The following ST8SIA5 variants were observed in gnomAD, a reference collection of about 807,000 sequenced individuals.
ST8SIA5 encodes ST8 alpha-N-acetyl-neuraminide alpha-2,8-sialyltransferase 5.
A neutral mutation model predicts 40.2 loss-of-function variants in ST8SIA5; 24 were observed. The observed-to-expected ratio is 0.60, with a 90% CI of 0.43 to 0.84. ST8SIA5 has a LOEUF of 0.84. ST8SIA5 is among the 40% of genes least tolerant of loss of function. The probability of loss-of-function intolerance (pLI) is 0.00; values close to 1 mark genes in which losing one functional copy is unlikely to be tolerated. For synonymous variants in ST8SIA5, 198 were observed against 201.8 expected (o/e 0.98, Z 0.16); for missense variants, 465 against 498.5 (o/e 0.93, Z 0.64).
chr18:46,728,680 G>A (rs1193867251), intron 1 of ST8SIA5, among the ~76,000 whole-genome samples: 1 of 152,172 alleles, frequency 6.6e-6, no homozygotes, highest in East Asian at 1.9e-4. Flanking sequence ...ACCCATCCTT[G>A]CAAACCACCT....
chr18:46,721,316 CG>C lies in ST8SIA5; in HGVS notation c.132-16653del, dbSNP rs1568268756. ...TGTGGCAGGGGCTGCAGGGCCACCC[CG>C]GGTTGAGCTTCCCCCACTCCCTGGC... is the stretch of plus-strand genomic sequence containing the variant. On this transcript the variant is annotated intron_variant, in intron 1 of 6. Coordinates refer to ENST00000315087, the MANE Select transcript of ST8SIA5 (RefSeq NM_013305.6). 2.6e-6 allele frequency: 4 copies of C among 1,517,078 alleles called. 1 individual carries two copies. In the South Asian group the frequency reaches 3.6e-5, roughly 14 times the overall value. 94.0% of individuals were successfully genotyped at this position (1,517,078 alleles called of 1,614,324 possible).
chr18:46,743,885 C>G (rs1014693789), intron 1 of ST8SIA5, among the ~76,000 whole-genome samples: 1 of 152,180 alleles, frequency 6.6e-6, no homozygotes, highest in Non-Finnish European at 1.5e-5. Flanking sequence ...ACCCTACAAG[C>G]CAGAAGAGAG....
intron 3 of ST8SIA5, among the ~76,000 whole-genome samples, chr18:46,689,502 G>T (rs1468039828): frequency 1.3e-5 from 2 of 151,968 alleles, no homozygotes; most frequent in South Asian, 2.1e-4. Flanking sequence ...CCTCATACAG[G>T]CTTGGCTCTT....
intron 1 of ST8SIA5, among the ~76,000 whole-genome samples, chr18:46,706,057 T>C (rs2039667364): frequency 1.3e-5 from 2 of 152,138 alleles, no homozygotes; most frequent in South Asian, 4.1e-4. Context: ...TATTGTCATT[T>C]TGTCATTAAA....
At chr18:46,746,104 A>T (rs1406122898) in intron 1 of ST8SIA5, among the ~76,000 whole-genome samples, 7 of 152,348 alleles carry the variant, frequency 4.6e-5, no homozygotes, top group Middle Eastern at 3.4e-3. Flanking sequence ...ACCCACAGCC[A>T]GTATCATACT....
intron 4 of ST8SIA5, among the ~76,000 whole-genome samples, chr18:46,688,422 A>G (rs560308501): frequency 6.6e-6 from 1 of 152,180 alleles, no homozygotes; most frequent in South Asian, 2.1e-4. Context: ...CAACTTCTGC[A>G]TGTGCGTTTG....
Position 46,671,342 on chromosome 18 carries a change from T to G in ST8SIA5, c.*8700A>C, listed in dbSNP as rs1000628412. ...TTCCAAAGTATGATAGAAAAGGAAATGCATAAAGAAGTGAGGCTCTAACCC... is the reference window on the plus strand; with the variant it reads ...TTCCAAAGTATGATAGAAAAGGAAAGGCATAAAGAAGTGAGGCTCTAACCC... On this transcript the variant is annotated 3_prime_UTR_variant, in exon 7 of 7. Transcript: ENST00000315087. 6.6e-6 allele frequency: 1 copy of G among 152,202 alleles called. No homozygotes were observed. Among genetic ancestry groups the G allele is most frequent in the Non-Finnish European group, 1.5e-5 (1 of 68,040 alleles). 9.4% of individuals were successfully genotyped at this position (152,202 alleles called of 1,614,324 possible).
intron 1 of ST8SIA5, among the ~76,000 whole-genome samples, chr18:46,714,292 T>C (rs141123290): frequency 4.6e-5 from 7 of 151,936 alleles, no homozygotes; most frequent in Admixed American, 3.3e-4. Flanking sequence ...ATCTAATGGG[T>C]GGGTGGATGC....
rs1358341166 is a variant in ST8SIA5, at chr18:46,668,538, G to C, written c.*11504C>G. 1 of 152,582 alleles carries C rather than the reference G, an allele frequency of 6.6e-6. No homozygotes were observed. Among genetic ancestry groups the C allele is most frequent in the Admixed American group, 6.5e-5 (1 of 15,290 alleles). The allele number at this position is 152,582 out of a possible 1,614,324, so 9.5% of individuals were successfully genotyped here. On this transcript the variant is annotated 3_prime_UTR_variant, in exon 7 of 7. Coordinates refer to ENST00000315087, the MANE Select transcript of ST8SIA5 (RefSeq NM_013305.6). ...TGGGGAGGGAAGTGGCGGGGGATTGGTTCCAAACTGTACCATTGAACAATC... is the reference window on the plus strand; with the variant it reads ...TGGGGAGGGAAGTGGCGGGGGATTGCTTCCAAACTGTACCATTGAACAATC...
chr18:46,691,974 C>A (rs1461049577), intron 3 of ST8SIA5, 195 bp downstream of exon 3: 27 of 607,434 alleles, frequency 4.4e-5, no homozygotes, highest in Admixed American at 2.8e-4. Context: ...GAGGATAGCA[C>A]CTGGGCAAGG....
At chr18:46,697,936 A>G (rs1191631255) in intron 2 of ST8SIA5, among the ~76,000 whole-genome samples, 2 of 152,222 alleles carry the variant, frequency 1.3e-5, no homozygotes, top group East Asian at 3.8e-4. Flanking sequence ...AACCATTCTC[A>G]TGCTTCTCAT....
intron 1 of ST8SIA5, among the ~76,000 whole-genome samples, chr18:46,743,098 A>T (rs766799444): frequency 1.3e-5 from 2 of 152,234 alleles, no homozygotes; most frequent in Non-Finnish European, 2.9e-5. Context: ...AACCACAAAG[A>T]TGGGGAGAAG....
intron 1 of ST8SIA5, among the ~76,000 whole-genome samples, chr18:46,719,478 C>T (rs758950890): frequency 6.6e-5 from 10 of 152,002 alleles, no homozygotes; most frequent in Non-Finnish European, 1.2e-4. Flanking sequence ...GCAGTGAGGG[C>T]TATGAGAAGT....
chr18:46,721,324 G>A (rs2039860654), intron 1 of ST8SIA5: 2 of 1,526,870 alleles, frequency 1.3e-6, no homozygotes, highest in Admixed American at 3.9e-5. Flanking sequence ...CCCGGGTTGA[G>A]CTTCCCCCAC....
chr18:46,720,609 C>T (rs765366143), intron 1 of ST8SIA5, among the ~76,000 whole-genome samples: 5 of 152,226 alleles, frequency 3.3e-5, no homozygotes, highest in Middle Eastern at 3.4e-3. Context: ...CTCAGGGAAA[C>T]GGACGTGAGA....
In ST8SIA5 at chr18:46,737,810, G is replaced by A. The variant is rs146431460; in HGVS notation, c.131+18568C>T. On this transcript the variant is annotated intron_variant, in intron 1 of 6. Coordinates refer to ENST00000315087, the MANE Select transcript of ST8SIA5 (RefSeq NM_013305.6). ...TTTTGAGACAGAGTCTCACTGTGTC[G>A]CCCAGGCTGGAGTGCAGTGGTGCAA... is the stretch of plus-strand genomic sequence containing the variant. 4.9e-3 allele frequency among the ~76,000 whole-genome samples: 747 copies of A among 151,402 alleles called. 3 individuals are homozygous for A. The highest frequency in any genetic ancestry group is 8.1e-3 in the Non-Finnish European group (550 of 67,880).
At chr18:46,703,363 T>C (rs1455418033) in intron 2 of ST8SIA5, among the ~76,000 whole-genome samples, 2 of 152,156 alleles carry the variant, frequency 1.3e-5, no homozygotes, top group East Asian at 3.9e-4. Flanking sequence ...TTAGCCAGGA[T>C]GGTCTCGATC....
intron 1 of ST8SIA5, chr18:46,730,259 C>T: frequency 1.0e-6 from 1 of 985,330 alleles, no homozygotes; most frequent in Non-Finnish European, 1.2e-6. Context: ...TCGCATTCCA[C>T]CATTCACTAG....
chr18:46,740,527 T>TA (rs566370107), intron 1 of ST8SIA5, among the ~76,000 whole-genome samples: 1,935 of 150,814 alleles, frequency 0.013, 37 homozygotes, highest in African/African-American at 0.044. Context: ...CATGCAAATT[T>TA]AAAAAAAAAG....
Sources: gnomAD v4.1 joint callset for allele counts (sites outside exome capture counted in the v4.1 genomes callset) on GRCh38, gnomAD v4.1.1 for gene constraint, MANE v1.5 for transcripts, NCBI Gene and HGNC (gene_info 2026-07-23, HGNC 2026-07-21) for gene names.